SMCHD1: variants seen among roughly 807,000 people sequenced by gnomAD.
The protein encoded by SMCHD1 is structural maintenance of chromosomes flexible hinge domain-containing protein 1.
A neutral mutation model predicts 254.7 loss-of-function variants in SMCHD1; 78 were observed. That is an observed-to-expected ratio of 0.31 (90% confidence interval 0.26 to 0.37). SMCHD1 has a LOEUF of 0.37. SMCHD1 is among the 10% of genes least tolerant of loss of function. SMCHD1 has a pLI of 1.00. For synonymous variants in SMCHD1, 766 were observed against 794.9 expected (o/e 0.96, Z 0.61); for missense variants, 1,840 against 2,408.1 (o/e 0.76, Z 4.94).
At position 2,760,657 on chromosome 18, in the gene SMCHD1, A is replaced by C; in HGVS notation, c.4352A>C (p.Lys1451Thr). ...KEDGCFYFRD[K>T]VIPNKVGTYC... ...TAACTTTCTTTTAAATTTAGGGATAAAGTAATTCCTAATAAAGTGGGGACA... is the reference window on the plus strand; with the variant it reads ...TAACTTTCTTTTAAATTTAGGGATACAGTAATTCCTAATAAAGTGGGGACA... Residue 1451 changes from lysine to threonine, a missense_variant, in exon 35 of 48, where the codon AAA (lysine) becomes ACA (threonine). Transcript: ENST00000320876. 6.5e-7 allele frequency: 1 copy of C among 1,529,942 alleles called. No individual in the cohort carries two copies. The highest frequency in any genetic ancestry group is 9.1e-7 in the Non-Finnish European group (1 of 1,104,518). 94.8% of individuals were successfully genotyped at this position (1,529,942 alleles called of 1,614,324 possible). A position where few individuals can be genotyped will look rare whatever the true frequency, so the allele number is the denominator to read the frequency against.
chr18:2,763,554 ATTAT>A, intron 36 of SMCHD1, 79 bp from the exon 37 acceptor site: 2 of 1,113,744 alleles, frequency 1.8e-6, no homozygotes, highest in South Asian at 1.9e-5. Flanking sequence ...GGCTCTCTGT[ATTAT>A]TTCTGATTTG....
chr18:2,760,000 T>G (rs973608823), intron 34 of SMCHD1, among the ~76,000 whole-genome samples: 1 of 152,230 alleles, frequency 6.6e-6, no homozygotes, highest in African/African-American at 2.4e-5. Context: ...AAGTATGTAT[T>G]CAAAGCCTGT....
rs1238941833 is a variant in SMCHD1 at position 2,704,886 on chromosome 18, G to A, written c.1843-808G>A. Among the ~76,000 whole-genome samples the A allele has an allele frequency of 2.6e-5, 4 of 152,022 alleles. No individual in the cohort carries two copies. The East Asian group carries it at 7.7e-4, about 29-fold the overall frequency. Reference sequence around the variant, plus strand: ...CCTGGAGCTTTCCCAACATTTAGTGGTTAGAATGAAAAGGAGGAGCTGGCA... The same window carrying A: ...CCTGGAGCTTTCCCAACATTTAGTGATTAGAATGAAAAGGAGGAGCTGGCA... On this transcript the variant is annotated intron_variant, in intron 13 of 47. Coordinates refer to ENST00000320876, the MANE Select transcript of SMCHD1 (RefSeq NM_015295.3).
At chr18:2,672,894 C>T (rs1407478823) in intron 3 of SMCHD1, among the ~76,000 whole-genome samples, 2 of 152,160 alleles carry the variant, frequency 1.3e-5, no homozygotes, top group Non-Finnish European at 2.9e-5. Context: ...TTCATATTTG[C>T]CCTCGTATTT....
intron 5 of SMCHD1, among the ~76,000 whole-genome samples, chr18:2,683,007 G>T (rs1402036738): frequency 1.3e-5 from 2 of 152,160 alleles, no homozygotes; most frequent in Admixed American, 6.5e-5. Context: ...GGTCATTTAA[G>T]TTGAAAAAGG....
At chr18:2,670,547 G>A (rs2143824972) in intron 3 of SMCHD1, among the ~76,000 whole-genome samples, 1 of 152,190 alleles carries the variant, frequency 6.6e-6, no homozygotes, top group Middle Eastern at 3.4e-3. Flanking sequence ...CCTAAGAACA[G>A]AACCTTCATC....
intron 5 of SMCHD1, among the ~76,000 whole-genome samples, chr18:2,681,648 T>C (rs1177345027): frequency 6.6e-6 from 1 of 151,436 alleles, no homozygotes; most frequent in East Asian, 1.9e-4. Flanking sequence ...CTCTCATAAC[T>C]TGGGCACTAT....
In SMCHD1 at chr18:2,680,372, G is replaced by A. The variant is rs79418288; in HGVS notation, c.638+6227G>A. Among the ~76,000 whole-genome samples, 630 of 152,258 alleles carry A rather than the reference G, an allele frequency of 4.1e-3. 4 individuals carry two copies. Among genetic ancestry groups the A allele is most frequent in the African/African-American group, 0.015 (609 of 41,538 alleles). On this transcript the variant is annotated intron_variant, in intron 5 of 47. Coordinates refer to ENST00000320876, the MANE Select transcript of SMCHD1 (RefSeq NM_015295.3). ...GTAATGGCTTCCCTGAACTAATTCT[G>A]TTAAGTCTGTATCCTTGTGTTACCC...
At chr18:2,741,355 G>T (rs1036511204) in intron 28 of SMCHD1, among the ~76,000 whole-genome samples, 1 of 152,190 alleles carries the variant, frequency 6.6e-6, no homozygotes, top group South Asian at 2.1e-4. Flanking sequence ...CTGGAGTTGG[G>T]TCTTCAAGGA....
chr18:2,699,855 T>C (rs1420187038), intron 10 of SMCHD1, among the ~76,000 whole-genome samples: 3 of 152,230 alleles, frequency 2.0e-5, no homozygotes, highest in African/African-American at 7.2e-5. Flanking sequence ...GGTTTTGTTT[T>C]AGGTGGGTAA....
At chr18:2,743,690 A>G (rs1364541877) in intron 28 of SMCHD1, 71 bp from the exon 29 acceptor site, 2 of 1,222,008 alleles carry the variant, frequency 1.6e-6, no homozygotes, top group South Asian at 1.9e-5. Context: ...TTAATGACAA[A>G]ACATTTTATT....
chr18:2,741,224 T>A (rs2075344721), intron 28 of SMCHD1, among the ~76,000 whole-genome samples: 1 of 152,208 alleles, frequency 6.6e-6, no homozygotes, highest in Non-Finnish European at 1.5e-5. Context: ...TTTGCAACTG[T>A]GCACTTAATT....
chr18:2,722,457 AC>A, intron 19 of SMCHD1, 61 bp from the exon 20 acceptor site: 1 of 1,374,106 alleles, frequency 7.3e-7, no homozygotes, highest in South Asian at 1.3e-5. Flanking sequence ...TCTGTTTTTG[AC>A]CCCCAATGGC....
At chr18:2,768,771 GA>G (rs1239315018) in intron 37 of SMCHD1, among the ~76,000 whole-genome samples, 9 of 144,842 alleles carry the variant, frequency 6.2e-5, no homozygotes, top group African/African-American at 2.3e-4. Context: ...ATCGAGTGCT[GA>G]AAGCAAGTTG....
rs569911568 is a variant in SMCHD1, at chr18:2,705,678, A to G, written c.1843-16A>G. On this transcript the variant is annotated splice_polypyrimidine_tract_variant and intron_variant, in intron 13 of 47. Coordinates refer to ENST00000320876, the MANE Select transcript of SMCHD1 (RefSeq NM_015295.3). ...TAATACTGAAGCTTTTTTTTTTTTT[A>G]AAAACTAAATATTAGGTCAAGACAA... 1 of 1,247,950 alleles carries G rather than the reference A, an allele frequency of 8.0e-7. No homozygotes were observed. The highest frequency in any genetic ancestry group is 1.5e-5 in the South Asian group (1 of 65,022). 77.3% of individuals were successfully genotyped at this position (1,247,950 alleles called of 1,614,324 possible).
chr18:2,705,694 G>A lies in SMCHD1; in HGVS notation c.1843G>A (p.Val615Ile). ...DGKIYKAGQL[V>I]KTIKTLPLFY... is the part of the protein sequence containing the mutation. ...TTTTTTTTTAAAAACTAAATATTAG[G>A]TCAAGACAATCAAGACACTTCCCCT... Residue 615 changes from valine (V) to isoleucine (I), a missense_variant and splice_region_variant, in exon 14 of 48, where the codon GTC becomes ATC. By Grantham distance (29) the Val-to-Ile change is conservative. Transcript: ENST00000320876. 2.0e-6 allele frequency: 3 copies of A among 1,484,750 alleles called. No individual in the cohort carries two copies. Among genetic ancestry groups the A allele is most frequent in the Non-Finnish European group, 2.8e-6 (3 of 1,074,900 alleles). 92.0% of individuals were successfully genotyped at this position (1,484,750 alleles called of 1,614,324 possible). A position where few individuals can be genotyped will look rare whatever the true frequency, so the allele number is the denominator to read the frequency against.
chr18:2,725,005 A>G lies in SMCHD1; in HGVS notation c.2700+10A>G. ...CTCTTGTCAAGGCAAGGTAAGCATTATGTATAGATCCTATGATACTTGTTA... is the reference window on the plus strand; with the variant it reads ...CTCTTGTCAAGGCAAGGTAAGCATTGTGTATAGATCCTATGATACTTGTTA... On this transcript the variant is annotated intron_variant, in intron 21 of 47. Transcript: ENST00000320876. 6.8e-7 allele frequency: 1 copy of G among 1,480,724 alleles called. No individual in the cohort carries two copies. Among genetic ancestry groups the G allele is most frequent in the Non-Finnish European group, 9.3e-7 (1 of 1,075,750 alleles). The allele number at this position is 1,480,724 out of a possible 1,614,324, so 91.7% of individuals were successfully genotyped here.
chr18:2,753,907 A>G (rs1052597871), intron 34 of SMCHD1, among the ~76,000 whole-genome samples: 3 of 152,140 alleles, frequency 2.0e-5, no homozygotes, highest in Non-Finnish European at 4.4e-5. Flanking sequence ...TCTGGTGGAC[A>G]TGTAATAGAG....
intron 5 of SMCHD1, among the ~76,000 whole-genome samples, chr18:2,686,596 GGTGT>G (rs2074057201): frequency 6.6e-6 from 1 of 151,946 alleles, no homozygotes; most frequent in Non-Finnish European, 1.5e-5. Flanking sequence ...GTAGCATTGT[GGTGT>G]GTGTTTCTGT....
Sources: gnomAD v4.1 joint callset for allele counts (sites outside exome capture counted in the v4.1 genomes callset) on GRCh38, gnomAD v4.1.1 for gene constraint, MANE v1.5 for transcripts, NCBI Gene and HGNC (gene_info 2026-07-23, HGNC 2026-07-21) for gene names.